JCAD: variants seen among roughly 807,000 people sequenced by gnomAD.
JCAD encodes junctional cadherin 5 associated.
Under a neutral mutation model 98.0 loss-of-function variants are expected in JCAD, and 40 were observed. That is an observed-to-expected ratio of 0.41 (90% CI 0.32 to 0.53). The LOEUF is 0.53. Among genes scored for constraint, JCAD ranks in the 20% least tolerant of loss-of-function variants. The probability of loss-of-function intolerance (pLI) is 0.31; values close to 1 mark genes in which losing one functional copy is unlikely to be tolerated. For synonymous variants in JCAD, 691 were observed against 682.3 expected (o/e 1.01, Z -0.20); for missense variants, 1,705 against 1,738.1 (o/e 0.98, Z 0.34).
At chr10:30,046,641 C>T (rs1490461473) in intron 2 of JCAD, among the ~76,000 whole-genome samples, 1 of 152,136 alleles carries the variant, frequency 6.6e-6, no homozygotes, top group Non-Finnish European at 1.5e-5. Context: ...CTATCTGAGG[C>T]AAGATGAAGA....
chr10:30,082,325 A>T (rs2132684278), intron 1 of JCAD, among the ~76,000 whole-genome samples: 1 of 152,328 alleles, frequency 6.6e-6, no homozygotes, highest in African/African-American at 2.4e-5. Context: ...AAAATTTGAC[A>T]TGGGAAAACT....
chr10:30,106,206 T>C (rs1198463626), intron 1 of JCAD, among the ~76,000 whole-genome samples: 1 of 152,122 alleles, frequency 6.6e-6, no homozygotes, highest in Non-Finnish European at 1.5e-5. Context: ...GAGGATCACT[T>C]GATGCCGGGA....
intron 1 of JCAD, among the ~76,000 whole-genome samples, chr10:30,100,098 C>T (rs1838444145): frequency 6.6e-6 from 1 of 152,166 alleles, no homozygotes; most frequent in Admixed American, 6.5e-5. Context: ...GAACCCCTTC[C>T]CCTCCCTTGT....
intron 1 of JCAD, among the ~76,000 whole-genome samples, chr10:30,075,137 A>C (rs1837960623): frequency 6.6e-6 from 1 of 152,198 alleles, no homozygotes; most frequent in East Asian, 1.9e-4. Context: ...TTCTGATTGC[A>C]CAATCTAGAA....
intron 2 of JCAD, among the ~76,000 whole-genome samples, chr10:30,031,440 T>A (rs1488428522): frequency 2.0e-5 from 2 of 101,778 alleles, no homozygotes; most frequent in East Asian, 5.0e-4. Flanking sequence ...CCATCTGTAT[T>A]TTTTTTTTTT....
intron 2 of JCAD, among the ~76,000 whole-genome samples, chr10:30,040,442 C>T (rs951755176): frequency 1.3e-5 from 2 of 152,226 alleles, no homozygotes; most frequent in Admixed American, 1.3e-4. Context: ...CTGCTTTCAC[C>T]AGTGTGAACC....
chr10:30,056,982 TTAA>T (rs1026419966), intron 1 of JCAD, among the ~76,000 whole-genome samples: 1 of 152,160 alleles, frequency 6.6e-6, no homozygotes, highest in African/African-American at 2.4e-5. Context: ...GAGCAAGGTT[TTAA>T]TGAGAGAGAT....
intron 1 of JCAD, among the ~76,000 whole-genome samples, chr10:30,108,486 A>G (rs1246906192): frequency 6.6e-6 from 1 of 152,196 alleles, no homozygotes; most frequent in African/African-American, 2.4e-5. Flanking sequence ...CGAGAATTTT[A>G]TCAGAAAGAT....
Position 30,027,537 on chromosome 10 carries a change from G to C in JCAD, c.2611C>G (p.Arg871Gly), listed in dbSNP as rs749986169. 10 of 1,613,142 alleles carry C rather than the reference G, an allele frequency of 6.2e-6. No homozygotes were observed. Among genetic ancestry groups the C allele is most frequent in the Admixed American group, 5.0e-5 (3 of 60,006 alleles). Residue 871 changes from arginine (R) to glycine (G), a missense_variant, in exon 3 of 4, where the codon CGT becomes GGT. By Grantham distance (125) the Arg-to-Gly change is moderately radical (BLOSUM62 -2). This residue lies in a region of JCAD where 1,278 missense variants were observed against 1,243.1 expected (regional missense o/e 1.03). Coordinates refer to ENST00000375377, the MANE Select transcript of JCAD (RefSeq NM_020848.4). ...ACATCCTCCTGTCTGCAGTGAGCAC[G>C]GTTCTCCTGCTGCGGCTCCGCCTCA... is the stretch of plus-strand genomic sequence containing the variant. ...ESEAEPQQEN[R>G]AHCRQEDVGF... is the part of the protein sequence containing the mutation.
In JCAD at chr10:30,029,495, T is replaced by A; in HGVS notation, c.653A>T (p.Glu218Val). Residue 218 changes from glutamate to valine, a missense_variant, in exon 3 of 4, where the codon GAA becomes GTA. By Grantham distance (121) the Glu-to-Val change is moderately radical. Transcript: ENST00000375377. ...FQDLYPFIQG[E>V]HVLNSQNKGK... The stretch of plus-strand genomic sequence containing the variant: ...TTTGTTTTGAGAATTCAACACATGT[T>A]CTCCTTGAATGAATGGGTACAGGTC... 1.2e-6 allele frequency: 2 copies of A among 1,614,230 alleles called. No homozygotes were observed. The highest frequency in any genetic ancestry group is 1.7e-6 in the Non-Finnish European group (2 of 1,180,044).
Position 30,029,429 on chromosome 10 carries a change from C to T in JCAD, c.719G>A (p.Ser240Asn), listed in dbSNP as rs1300351666. The change falls in exon 3 of 4, where the codon AGC becomes AAC. Residue 240 changes from serine to asparagine, a missense_variant. Physicochemically the swap from Ser to Asn is conservative, Grantham distance 46. Around this residue, in one of 3 missense-constraint regions of JCAD, gnomAD observed 275 missense variants for 346.9 expected, o/e 0.79. Coordinates refer to ENST00000375377, the MANE Select transcript of JCAD (RefSeq NM_020848.4). ...AATGGGAATTTCCGTGCAACTCAGG[C>T]TCTCGGGGGAAAGAACTCTAGGCAG... The part of the protein sequence containing the change: ...RSLPRVLSPE[S>N]LSCTEIPIPL... 8 of 1,613,982 alleles carry T rather than the reference C, an allele frequency of 5.0e-6. No homozygotes were observed. Among genetic ancestry groups the T allele is most frequent in the Non-Finnish European group, 5.9e-6 (7 of 1,180,024 alleles).
At chr10:30,031,976 G>A (rs1589684572) in intron 2 of JCAD, among the ~76,000 whole-genome samples, 1 of 147,280 alleles carries the variant, frequency 6.8e-6, no homozygotes, top group South Asian at 2.2e-4. Flanking sequence ...GGATGGTCTC[G>A]ATCTCCTGAC....
chr10:30,012,810 C>CA lies in JCAD; in HGVS notation c.*5072dup, dbSNP rs1836445678. On this transcript the variant is annotated 3_prime_UTR_variant, in exon 4 of 4. Coordinates refer to ENST00000375377, the MANE Select transcript of JCAD (RefSeq NM_020848.4). ...GACAACGGACATAGGTACTTTCATG[C>CA]AAAATCTTTATTTGGAACATGTATG... 6.6e-6 allele frequency: 1 copy of CA among 152,318 alleles called. No individual in the cohort carries two copies. The highest frequency in any genetic ancestry group is 6.5e-5 in the Admixed American group (1 of 15,286). The allele number at this position is 152,318 out of a possible 1,614,324, so 9.4% of individuals were successfully genotyped here.
At chr10:30,024,999 A>G (rs1015491545) in intron 3 of JCAD, among the ~76,000 whole-genome samples, 5 of 151,912 alleles carry the variant, frequency 3.3e-5, no homozygotes, top group African/African-American at 1.2e-4. Flanking sequence ...CCGGCCCTAC[A>G]TTTTTTTGTT....
chr10:30,054,749 G>A (rs1837534012), intron 1 of JCAD, among the ~76,000 whole-genome samples: 1 of 150,982 alleles, frequency 6.6e-6, no homozygotes. Context: ...GCTCACTGCA[G>A]GCTCCGCCCC....
chr10:30,044,009 G>A (rs933416369), intron 2 of JCAD, among the ~76,000 whole-genome samples: 3 of 152,192 alleles, frequency 2.0e-5, no homozygotes, highest in African/African-American at 7.2e-5. Context: ...ATGAGGTAAT[G>A]AGGGTTCCAC....
At chr10:30,048,910 C>A (rs1489234469) in intron 1 of JCAD, among the ~76,000 whole-genome samples, 1 of 152,066 alleles carries the variant, frequency 6.6e-6, no homozygotes, top group African/African-American at 2.4e-5. Context: ...CCCAGTAGAT[C>A]TTGGGGAAAA....
chr10:30,046,167 A>G (rs764605797), intron 2 of JCAD, among the ~76,000 whole-genome samples: 2 of 152,050 alleles, frequency 1.3e-5, no homozygotes, highest in South Asian at 2.1e-4. Context: ...TTCCTCCCCA[A>G]TCTGTGCCTG....
In JCAD at chr10:30,028,927, G is replaced by A. The variant is rs768376016; in HGVS notation, c.1221C>T (p.Leu407=). 5 of 1,614,104 alleles carry A rather than the reference G, an allele frequency of 3.1e-6. No individual in the cohort carries two copies. The highest frequency in any genetic ancestry group is 4.2e-6 in the Non-Finnish European group (5 of 1,180,016). The change falls in exon 3 of 4, where the codon CTC becomes CTT. Residue 407 remains leucine (L), a synonymous_variant. Coordinates refer to ENST00000375377, the MANE Select transcript of JCAD (RefSeq NM_020848.4). ...CAGTGACAGGTCGGGGATGTGCGGG[G>A]AGCCCCTGAGGCAAGCGGGGGCTCA... ...YGVSPRLPQG[L]PAHPRPVTAY...
Sources: gnomAD v4.1 joint callset for allele counts (sites outside exome capture counted in the v4.1 genomes callset) on GRCh38, gnomAD v4.1.1 for gene constraint, gnomAD v4.1.1 regional missense constraint, MANE v1.5 for transcripts, NCBI Gene and HGNC (gene_info 2026-07-23, HGNC 2026-07-21) for gene names.